Variants in KATNIP observed in about 807,000 individuals in gnomAD.
The protein encoded by KATNIP is katanin interacting protein.
A neutral mutation model predicts 174.0 loss-of-function variants in KATNIP; 126 were observed. The ratio of observed to expected loss-of-function variants is 0.72; its 90% CI spans 0.63 to 0.84. KATNIP has a LOEUF of 0.84. Ranked by LOEUF, KATNIP falls within the 40% of genes least tolerant of loss-of-function variation. The pLI, the probability that KATNIP is intolerant of heterozygous loss-of-function variation, is 0.00. For missense variants in KATNIP, 1,958 were observed against 2,109.7 expected, an observed-to-expected ratio of 0.93 and a Z score of 1.41; for synonymous variants, 810 against 835.7, an observed-to-expected ratio of 0.97 and a Z score of 0.53.
Position 27,560,995 on chromosome 16 carries a change from T to A in KATNIP, c.7+10818T>A, listed in dbSNP as rs115924795. Among the ~76,000 whole-genome samples the A allele has an allele frequency of 6.9e-3, 1,055 of 152,064 alleles. 9 individuals carry two copies. The highest frequency in any genetic ancestry group is 0.026 in the South Asian group (125 of 4,814). On this transcript the variant is annotated intron_variant, in intron 1 of 27. Transcript: ENST00000261588. ...AGGCCAAGCTTCCAGGGACCGTGGC[T>A]GCATCCTTTTTGTCTTTTTTTTTTC... is the stretch of plus-strand genomic sequence containing the variant.
intron 1 of KATNIP, among the ~76,000 whole-genome samples, chr16:27,566,336 C>T (rs1419191226): frequency 6.6e-6 from 1 of 152,040 alleles, no homozygotes; most frequent in African/African-American, 2.4e-5. Context: ...GTCAGGAGTT[C>T]GAGACCAGCC....
At chr16:27,639,249 G>A (rs1051937218) in intron 5 of KATNIP, among the ~76,000 whole-genome samples, 1 of 152,190 alleles carries the variant, frequency 6.6e-6, no homozygotes, top group African/African-American at 2.4e-5. Context: ...ATTCCTGGGG[G>A]TTTGGGGAGG....
intron 2 of KATNIP, among the ~76,000 whole-genome samples, chr16:27,584,804 A>C (rs905581708): frequency 3.9e-5 from 6 of 152,088 alleles, no homozygotes; most frequent in African/African-American, 1.4e-4. Context: ...AAAAAAAAAA[A>C]TCATGTTGAC....
At chr16:27,766,701 C>T (rs1345542178) in intron 20 of KATNIP, among the ~76,000 whole-genome samples, 2 of 152,198 alleles carry the variant, frequency 1.3e-5, no homozygotes, top group Non-Finnish European at 2.9e-5. Flanking sequence ...CACCGTTTCT[C>T]CTGGTGCTGG....
chr16:27,699,390 C>G, intron 9 of KATNIP, 144 bp from the exon 10 acceptor site: 5 of 1,416,746 alleles, frequency 3.5e-6, no homozygotes, highest in Non-Finnish European at 4.7e-6. Context: ...TCTGTGTTCC[C>G]AGACCTCTGA....
chr16:27,771,341 AAG>A (rs1415027425), intron 21 of KATNIP, among the ~76,000 whole-genome samples: 3 of 152,122 alleles, frequency 2.0e-5, no homozygotes, highest in African/African-American at 7.2e-5. Context: ...TGAGGAATAA[AAG>A]AGTCCATTTC....
intron 14 of KATNIP, among the ~76,000 whole-genome samples, chr16:27,738,541 A>C (rs78611457): frequency 0.018 from 2,697 of 152,216 alleles, 59 homozygotes; most frequent in East Asian, 0.094. Flanking sequence ...GAAGGAAGAG[A>C]GTTGAACCTG....
chr16:27,775,951 G>A (rs866122099), intron 24 of KATNIP, among the ~76,000 whole-genome samples: 2 of 152,180 alleles, frequency 1.3e-5, no homozygotes, highest in Non-Finnish European at 1.5e-5. Context: ...ATTGCAGAGG[G>A]GGCAACAGAG....
In KATNIP at chr16:27,749,942, C is replaced by A. The variant is rs144188578; in HGVS notation, c.2982C>A (p.Asn994Lys). 1.9e-6 allele frequency: 3 copies of A among 1,614,024 alleles called. No homozygotes were observed. In the East Asian group the frequency reaches 6.7e-5, roughly 36 times the overall value. ...GGGACAGACACTATGTCGGCCTCAA[C>A]GGAATAGAAATATTCAGTTCCAAGG... ...TWGDRHYVGLNGIEIFSSKGE... is the reference protein window; with the variant it reads ...TWGDRHYVGLKGIEIFSSKGE... Residue 994 changes from asparagine to lysine, a missense_variant, in exon 16 of 28, where the codon AAC (asparagine) becomes AAA (lysine). This residue lies in a region of KATNIP where 1,557 missense variants were observed against 1,617.8 expected (regional missense o/e 0.96). Transcript: ENST00000261588.
At chr16:27,695,156 C>T (rs1356534362) in intron 8 of KATNIP, among the ~76,000 whole-genome samples, 1 of 152,226 alleles carries the variant, frequency 6.6e-6, no homozygotes, top group African/African-American at 2.4e-5. Context: ...CCGCTGTTGC[C>T]TCCTGTCTCC....
intron 1 of KATNIP, among the ~76,000 whole-genome samples, chr16:27,554,190 G>T (rs2089513185): frequency 6.6e-6 from 1 of 152,048 alleles, no homozygotes; most frequent in African/African-American, 2.4e-5. Flanking sequence ...ACAGCCAGAT[G>T]GGGTGGCTCA....
intron 19 of KATNIP, among the ~76,000 whole-genome samples, chr16:27,762,679 G>A (rs938081154): frequency 6.6e-6 from 1 of 152,182 alleles, no homozygotes; most frequent in Non-Finnish European, 1.5e-5. Flanking sequence ...TGCAGAGTTG[G>A]TGGCAGGCTT....
chr16:27,572,843 A>C (rs1159124869), intron 1 of KATNIP, among the ~76,000 whole-genome samples: 1 of 152,148 alleles, frequency 6.6e-6, no homozygotes, highest in Non-Finnish European at 1.5e-5. Flanking sequence ...CTCATTTCGA[A>C]ATCCTTTTAC....
chr16:27,717,326 G>T (rs911824135), intron 13 of KATNIP, among the ~76,000 whole-genome samples: 1 of 152,116 alleles, frequency 6.6e-6, no homozygotes, highest in Admixed American at 6.5e-5. Flanking sequence ...CTCCCTGCAG[G>T]TTGCTATTCA....
rs989081877 is a variant in KATNIP, at chr16:27,723,026, T to C, written c.1743+1331T>C. Among the ~76,000 whole-genome samples the C allele has an allele frequency of 2.0e-5, 3 of 152,146 alleles. No homozygotes were observed. In the South Asian group the frequency reaches 6.2e-4, roughly 32 times the overall value. On this transcript the variant is annotated intron_variant, in intron 14 of 27. Coordinates refer to ENST00000261588, the MANE Select transcript of KATNIP (RefSeq NM_015202.5). ...GAAGGTTCTTGAAGGAACACACACC[T>C]AAGCTGTGATGGCAAAGGACAATGG...
intron 8 of KATNIP, among the ~76,000 whole-genome samples, chr16:27,688,925 G>T (rs2078618510): frequency 6.6e-6 from 1 of 152,180 alleles, no homozygotes; most frequent in African/African-American, 2.4e-5. Flanking sequence ...AGGTAGTCTG[G>T]CATGGCCCAG....
intron 2 of KATNIP, among the ~76,000 whole-genome samples, chr16:27,582,798 G>A (rs1444438886): frequency 2.0e-5 from 3 of 152,160 alleles, no homozygotes; most frequent in African/African-American, 7.2e-5. Context: ...GCTTAGGATG[G>A]AACCTGGCAC....
intron 8 of KATNIP, among the ~76,000 whole-genome samples, chr16:27,697,816 A>G (rs2078967422): frequency 6.6e-6 from 1 of 151,766 alleles, no homozygotes; most frequent in Non-Finnish European, 1.5e-5. Context: ...GTGTGTGTGC[A>G]TGTATGTGTG....
intron 2 of KATNIP, among the ~76,000 whole-genome samples, chr16:27,617,092 C>G (rs532317580): frequency 1.6e-4 from 25 of 152,122 alleles, no homozygotes; most frequent in African/African-American, 5.8e-4. Flanking sequence ...ACATTACTCT[C>G]CCCCAGCCAT....
Sources: allele counts gnomAD v4.1 joint callset (sites outside exome capture counted in the v4.1 genomes callset), GRCh38; gene constraint gnomAD v4.1.1; regional missense constraint gnomAD v4.1.1; transcripts MANE v1.5; gene names NCBI Gene and HGNC (gene_info 2026-07-23, HGNC 2026-07-21).